The following SLC14A2 variants were observed in gnomAD, a reference collection of about 807,000 sequenced individuals.
SLC14A2 encodes urea transporter 2.
Under a neutral mutation model 104.6 loss-of-function variants are expected in SLC14A2, and 91 were observed. The observed-to-expected ratio is 0.87, with a 90% CI of 0.73 to 1.04. The LOEUF is 1.04. Ranked by LOEUF, SLC14A2 falls within the 50% of genes least tolerant of loss-of-function variation. SLC14A2 has a pLI of 0.00. For missense variants in SLC14A2, 1,189 were observed against 1,156.0 expected, an observed-to-expected ratio of 1.03 and a Z score of -0.41; for synonymous variants, 476 against 466.4, an observed-to-expected ratio of 1.02 and a Z score of -0.27.
chr18:45,541,203 ATATGTGTG>A (rs1226075575), intron 2 of SLC14A2, among the ~76,000 whole-genome samples: 16 of 152,144 alleles, frequency 1.1e-4, no homozygotes, highest in Admixed American at 9.8e-4. Context: ...TGATTCAGCC[ATATGTGTG>A]TATGTGTGTG....
In SLC14A2 at chr18:45,625,745, TA is replaced by T; in HGVS notation, c.217del (p.Arg73GlyfsTer30). Reference protein sequence around the residue: ...VKIEKLNERSKRKDDGVAHRD... With the variant: ...VKIEKLNERSXRKDDGVAHRD... Reference sequence around the variant, plus strand: ...AGATCGAAAAGCTCAATGAAAGGAGTAAAAGGAAAGACGACGGGGTGGCCCA... The same window carrying T: ...AGATCGAAAAGCTCAATGAAAGGAGTAAAGGAAAGACGACGGGGTGGCCCA... On this transcript the variant is annotated frameshift_variant, in exon 3 of 20. Coordinates refer to ENST00000255226, the MANE Select transcript of SLC14A2 (RefSeq NM_007163.4). LOFTEE classifies it high-confidence loss of function. The T allele has an allele frequency of 5.1e-6, 8 of 1,563,892 alleles. No individual in the cohort carries two copies. The highest frequency in any genetic ancestry group is 6.0e-6 in the Non-Finnish European group (7 of 1,160,126).
chr18:45,476,796 T>C (rs912625573), intron 1 of SLC14A2, among the ~76,000 whole-genome samples: 1 of 152,234 alleles, frequency 6.6e-6, no homozygotes, highest in East Asian at 1.9e-4. Context: ...TGTGTATGCT[T>C]CATGAAGTTC....
intron 10 of SLC14A2, among the ~76,000 whole-genome samples, chr18:45,649,612 T>G (rs2045694970): frequency 6.6e-6 from 1 of 152,238 alleles, no homozygotes; most frequent in Non-Finnish European, 1.5e-5. Context: ...TGTTTACAAC[T>G]CTTTGTATTT....
At chr18:45,232,411 G>A (rs149634769) in intron 1 of SLC14A2, among the ~76,000 whole-genome samples, 21 of 152,236 alleles carry the variant, frequency 1.4e-4, no homozygotes, top group African/African-American at 5.1e-4. Context: ...ACCAGGTCCC[G>A]CCCCCAACAT....
chr18:45,647,202 T>G (rs1215139000), intron 10 of SLC14A2: 2 of 152,248 alleles, frequency 1.3e-5, no homozygotes, highest in African/African-American at 4.8e-5. Context: ...GTTTCTTCCA[T>G]AATTGACATA....
chr18:45,601,232 C>A (rs751276543), intron 2 of SLC14A2, among the ~76,000 whole-genome samples: 12 of 152,252 alleles, frequency 7.9e-5, no homozygotes, highest in African/African-American at 2.9e-4. Context: ...CTTGGCAAGT[C>A]ACTTTACTTT....
intron 2 of SLC14A2, among the ~76,000 whole-genome samples, chr18:45,592,329 C>A (rs2044660392): frequency 6.6e-6 from 1 of 152,050 alleles, no homozygotes; most frequent in African/African-American, 2.4e-5. Flanking sequence ...AATAAAAATC[C>A]ACCAACTCTC....
the SLC14A2 span, among the ~76,000 whole-genome samples, chr18:45,201,562 G>GTGTGTGTT: frequency 2.0e-5 from 3 of 151,868 alleles, no homozygotes; most frequent in Admixed American, 1.3e-4. Flanking sequence ...GTGTGTGTGT[G>GTGTGTGTT]TGTGTGTGTG....
Position 45,248,444 on chromosome 18 carries a change from G to T in SLC14A2, c.-125+35253G>T, listed in dbSNP as rs115577959. On this transcript the variant is annotated intron_variant, in intron 1 of 20. Coordinates refer to the SLC14A2 transcript ENST00000586448. ...TTTGAGCTTGATTATTCTTATCCCA[G>T]CATGAAACAGGAGGACTTGGCCTGT... Among the ~76,000 whole-genome samples the T allele has an allele frequency of 4.7e-3, 720 of 152,178 alleles. 8 individuals carry two copies. Among genetic ancestry groups the T allele is most frequent in the African/African-American group, 0.017 (689 of 41,516 alleles).
At chr18:45,608,924 C>T (rs1328137338) in intron 2 of SLC14A2, among the ~76,000 whole-genome samples, 2 of 152,160 alleles carry the variant, frequency 1.3e-5, no homozygotes, top group Non-Finnish European at 2.9e-5. Context: ...CCTTGGGTAG[C>T]TGGTCCAGAG....
intron 1 of SLC14A2, among the ~76,000 whole-genome samples, chr18:45,327,861 C>T (rs917056936): frequency 2.0e-5 from 3 of 152,120 alleles, no homozygotes; most frequent in African/African-American, 7.2e-5. Context: ...AATGATAAGG[C>T]TTGGTAAATT....
chr18:45,322,691 G>T (rs1190612455), intron 1 of SLC14A2, among the ~76,000 whole-genome samples: 1 of 152,096 alleles, frequency 6.6e-6, no homozygotes, highest in African/African-American at 2.4e-5. Context: ...GAGGTATCTG[G>T]TCCATTCCTC....
intron 2 of SLC14A2, among the ~76,000 whole-genome samples, chr18:45,527,229 A>C (rs2043606032): frequency 6.6e-6 from 1 of 152,204 alleles, no homozygotes; most frequent in Non-Finnish European, 1.5e-5. Context: ...TGGCAGATTT[A>C]TCAAGGTTCT....
chr18:45,423,047 A>G (rs1021431277), intron 1 of SLC14A2, among the ~76,000 whole-genome samples: 2 of 152,182 alleles, frequency 1.3e-5, no homozygotes, highest in African/African-American at 4.8e-5. Flanking sequence ...TGTGTCACAC[A>G]TCGTTTAAAT....
intron 1 of SLC14A2, among the ~76,000 whole-genome samples, chr18:45,217,613 T>A (rs1254511303): frequency 6.6e-6 from 1 of 152,134 alleles, no homozygotes; most frequent in African/African-American, 2.4e-5. Context: ...TCATGCACAT[T>A]TAGCACAGTC....
intron 1 of SLC14A2, among the ~76,000 whole-genome samples, chr18:45,249,847 G>T (rs1389795760): frequency 6.6e-6 from 1 of 152,110 alleles, no homozygotes; most frequent in Non-Finnish European, 1.5e-5. Flanking sequence ...TACTAAGGAG[G>T]CTGAGATGGG....
intron 2 of SLC14A2, among the ~76,000 whole-genome samples, chr18:45,573,279 C>T (rs1409703143): frequency 6.6e-6 from 1 of 152,162 alleles, no homozygotes; most frequent in Non-Finnish European, 1.5e-5. Flanking sequence ...GACCCAGGCT[C>T]CATACTTTTG....
chr18:45,601,923 GA>G (rs1206837046), intron 2 of SLC14A2, among the ~76,000 whole-genome samples: 1 of 152,248 alleles, frequency 6.6e-6, no homozygotes, highest in African/African-American at 2.4e-5. Flanking sequence ...AGGACTGGCT[GA>G]AAGATGTGAA....
At chr18:45,620,337 C>G (rs912233691) in intron 1 of SLC14A2, among the ~76,000 whole-genome samples, 2 of 152,220 alleles carry the variant, frequency 1.3e-5, no homozygotes, top group African/African-American at 4.8e-5. Flanking sequence ...TGCTCATTTT[C>G]TGGGTCCTGC....
Sources: gnomAD v4.1 joint callset for allele counts (sites outside exome capture counted in the v4.1 genomes callset) on GRCh38, gnomAD v4.1.1 for gene constraint, MANE v1.5 for transcripts, NCBI Gene and HGNC (gene_info 2026-07-23, HGNC 2026-07-21) for gene names.